The following GPC4 variants were observed in gnomAD, a reference collection of about 807,000 sequenced individuals.
The protein encoded by GPC4 is glypican-4.
In GPC4, 10 loss-of-function variants were observed where a neutral mutation model predicts 35.0. That is an observed-to-expected ratio of 0.29 (90% confidence interval 0.18 to 0.48). GPC4 has a LOEUF of 0.48. Among genes scored for constraint, GPC4 ranks in the 20% least tolerant of loss-of-function variants. The probability of loss-of-function intolerance (pLI) is 0.99; values close to 1 mark genes in which losing one functional copy is unlikely to be tolerated. For missense variants in GPC4, 322 were observed against 451.3 expected, an observed-to-expected ratio of 0.71 and a Z score of 2.60; for synonymous variants, 167 against 170.2, an observed-to-expected ratio of 0.98 and a Z score of 0.15.
At chrX:133,349,519 T>C (rs2068507495) in intron 1 of GPC4, among the ~76,000 whole-genome samples, 1 of 112,065 alleles carries the variant, frequency 8.9e-6, no homozygotes, top group African/African-American at 3.2e-5. Context: ...AGTTGGTGAG[T>C]GGGGAGGCTC....
chrX:133,387,005 CAGA>C (rs1454923325), intron 1 of GPC4, among the ~76,000 whole-genome samples: 1 of 111,302 alleles, frequency 9.0e-6, no homozygotes, highest in East Asian at 2.8e-4. Flanking sequence ...ATGCTGGTGT[CAGA>C]AGAAGTTGGA....
chrX:133,368,738 G>A (rs935238942), intron 1 of GPC4, among the ~76,000 whole-genome samples: 3 of 110,668 alleles, frequency 2.7e-5, no homozygotes, highest in Non-Finnish European at 5.7e-5. Flanking sequence ...TCTGCCTACC[G>A]GGTTCAAGAC....
chrX:133,349,923 CAT>C, intron 1 of GPC4, among the ~76,000 whole-genome samples: 1 of 111,706 alleles, frequency 9.0e-6, no homozygotes, highest in Admixed American at 9.5e-5. Flanking sequence ...TCGGCTGAGT[CAT>C]GACAATTTTT....
chrX:133,308,803 T>C (rs1342363427), intron 4 of GPC4, among the ~76,000 whole-genome samples: 1 of 110,880 alleles, frequency 9.0e-6, no homozygotes, highest in Non-Finnish European at 1.9e-5. Context: ...GGGAAAGCGA[T>C]TCCTTTTGCA....
At chrX:133,369,095 C>G in intron 1 of GPC4, among the ~76,000 whole-genome samples, 1 of 111,809 alleles carries the variant, frequency 8.9e-6, no homozygotes, top group Non-Finnish European at 1.9e-5. Flanking sequence ...TCTTAGTCTA[C>G]TCACAATAAT....
intron 1 of GPC4, among the ~76,000 whole-genome samples, chrX:133,396,783 G>A (rs758760293): frequency 8.1e-5 from 9 of 111,791 alleles, no homozygotes; most frequent in Admixed American, 3.8e-4. Flanking sequence ...CAAAGTGACC[G>A]CAGGAAGTAT....
At chrX:133,320,624 C>CAAA (rs11329655) in intron 3 of GPC4, among the ~76,000 whole-genome samples, 2 of 37,736 alleles carry the variant, frequency 5.3e-5, no homozygotes, top group Non-Finnish European at 9.5e-5. Flanking sequence ...AACTCTGTCT[C>CAAA]AAAAAAAAAA....
chrX:133,317,589 G>A (rs1318301687), intron 3 of GPC4, among the ~76,000 whole-genome samples: 1 of 111,723 alleles, frequency 9.0e-6, no homozygotes, highest in Non-Finnish European at 1.9e-5. Context: ...TCAACACGCT[G>A]TACTGAAGCT....
In GPC4 at chrX:133,317,268, G is replaced by A. The variant is rs946196662; in HGVS notation, c.712-5845C>T. 4.5e-5 allele frequency among the ~76,000 whole-genome samples: 5 copies of A among 110,272 alleles called. No homozygotes were observed. The Admixed American group carries it at 4.8e-4, about 11-fold the overall frequency. Reference sequence around the variant, plus strand: ...GATAAAAGTCAGTGTGTATGTGGGGGGGAAGATGCCTCATTTCCTTCTCAA... The same window carrying A: ...GATAAAAGTCAGTGTGTATGTGGGGAGGAAGATGCCTCATTTCCTTCTCAA... On this transcript the variant is annotated intron_variant, in intron 3 of 8. Coordinates refer to ENST00000370828, the MANE Select transcript of GPC4 (RefSeq NM_001448.3).
At chrX:133,354,037 C>T (rs2068528864) in intron 1 of GPC4, among the ~76,000 whole-genome samples, 1 of 111,763 alleles carries the variant, frequency 8.9e-6, no homozygotes, top group African/African-American at 3.3e-5. Flanking sequence ...ATAAATACAA[C>T]CTCATTTGGA....
At chrX:133,335,593 G>A (rs1476514696) in intron 2 of GPC4, among the ~76,000 whole-genome samples, 1 of 111,591 alleles carries the variant, frequency 9.0e-6, no homozygotes, top group Admixed American at 9.5e-5. Flanking sequence ...GGGAACTGGA[G>A]AAGGGACTCA....
Position 133,306,261 on chromosome X carries a change from G to A in GPC4, c.878-107C>T, listed in dbSNP as rs940806139. The A allele has an allele frequency of 5.7e-6, 5 of 870,305 alleles. No individual in the cohort carries two copies. In the African/African-American group the frequency reaches 8.0e-5, roughly 14 times the overall value. 71.7% of individuals were successfully genotyped at this position (870,305 alleles called of 1,213,427 possible). On this transcript the variant is annotated intron_variant, in intron 4 of 8. Transcript: ENST00000370828. ...TTTTCTGTCTGTTTCCTGCATGGGGGCAGGGGAAGTAAGGCATGGATCATA... is the reference window on the plus strand; with the variant it reads ...TTTTCTGTCTGTTTCCTGCATGGGGACAGGGGAAGTAAGGCATGGATCATA...
chrX:133,339,511 A>G (rs1288157989), intron 1 of GPC4, among the ~76,000 whole-genome samples, 170 bp from the exon 2 acceptor site: 3 of 112,075 alleles, frequency 2.7e-5, no homozygotes, highest in African/African-American at 9.7e-5. Flanking sequence ...CTTTTTGAGA[A>G]AATAAAATAA....
intron 1 of GPC4, among the ~76,000 whole-genome samples, chrX:133,388,563 C>A (rs778799667): frequency 1.6e-4 from 17 of 108,847 alleles, no homozygotes; most frequent in African/African-American, 5.7e-4. Context: ...GAAACGGAGT[C>A]TTGCTCTGTT....
At chrX:133,337,713 A>C (rs945646217) in intron 2 of GPC4, among the ~76,000 whole-genome samples, 1 of 111,388 alleles carries the variant, frequency 9.0e-6, no homozygotes, top group African/African-American at 3.3e-5. Context: ...ATCTTGAATG[A>C]GAAATGCCAT....
At chrX:133,384,653 C>G (rs1442902045) in intron 1 of GPC4, among the ~76,000 whole-genome samples, 1 of 111,094 alleles carries the variant, frequency 9.0e-6, no homozygotes, top group Non-Finnish European at 1.9e-5. Context: ...ATGAAAGGTC[C>G]CAGGTCGGGC....
chrX:133,407,227 T>G (rs1239704807), intron 1 of GPC4, among the ~76,000 whole-genome samples: 1 of 111,023 alleles, frequency 9.0e-6, no homozygotes, highest in Non-Finnish European at 1.9e-5. Context: ...AGGTGCCAGG[T>G]GGTTCAATTT....
intron 1 of GPC4, among the ~76,000 whole-genome samples, chrX:133,363,332 T>TC (rs2068577207): frequency 9.0e-6 from 1 of 110,985 alleles, no homozygotes; most frequent in Non-Finnish European, 1.9e-5. Context: ...CCACCACACC[T>TC]GCCTGGCCTA....
chrX:133,324,085 T>A, intron 3 of GPC4, 60 bp downstream of exon 3: 1 of 1,118,563 alleles, frequency 8.9e-7, no homozygotes, highest in Non-Finnish European at 1.2e-6. Context: ...TTCCCAAACA[T>A]TCTTTTAACA....
Sources: allele counts gnomAD v4.1 joint callset (sites outside exome capture counted in the v4.1 genomes callset), GRCh38; gene constraint gnomAD v4.1.1; transcripts MANE v1.5; gene names NCBI Gene and HGNC (gene_info 2026-07-23, HGNC 2026-07-21).